ARHGEF10: variants seen among roughly 807,000 people sequenced by gnomAD.
ARHGEF10 encodes the protein Rho guanine nucleotide exchange factor 10.
In ARHGEF10, 140 loss-of-function variants were observed where a neutral mutation model predicts 147.4. That is an observed-to-expected ratio of 0.95 (90% CI 0.83 to 1.09). The LOEUF (loss-of-function observed/expected upper bound fraction) is 1.09. ARHGEF10 is among the 50% of genes least tolerant of loss of function. The probability of loss-of-function intolerance (pLI) is 0.00; values close to 1 mark genes in which losing one functional copy is unlikely to be tolerated. For missense variants in ARHGEF10, 2,222 were observed against 1,752.7 expected, an observed-to-expected ratio of 1.27 and a Z score of -4.78; for synonymous variants, 902 against 695.8, an observed-to-expected ratio of 1.30 and a Z score of -4.67.
At chr8:1,926,322 T>C in intron 22 of ARHGEF10, 55 bp from the exon 23 acceptor site, 2 of 1,432,664 alleles carry the variant, frequency 1.4e-6, no homozygotes, top group Non-Finnish European at 2.0e-6. Context: ...TTATGTAGTC[T>C]AGGAGCCTCT....
intron 11 of ARHGEF10, among the ~76,000 whole-genome samples, chr8:1,887,352 C>T (rs774625948): frequency 1.3e-5 from 2 of 152,222 alleles, no homozygotes; most frequent in African/African-American, 2.4e-5. Flanking sequence ...GCCAAGACAG[C>T]GGCCTGAGCT....
intron 1 of ARHGEF10, among the ~76,000 whole-genome samples, chr8:1,829,924 G>A (rs1411515498): frequency 6.6e-6 from 1 of 152,224 alleles, no homozygotes; most frequent in Non-Finnish European, 1.5e-5. Context: ...GGAATGAAAG[G>A]TGCAGCGTTT....
Position 1,921,207 on chromosome 8 carries a change from T to C in ARHGEF10, c.2144-1757T>C, listed in dbSNP as rs1293197051. 2.0e-5 allele frequency among the ~76,000 whole-genome samples: 3 copies of C among 152,352 alleles called. No homozygotes were observed. In the East Asian group the frequency reaches 5.8e-4, roughly 29 times the overall value. ...ATACCATGTAATCATGTCTTCAACA[T>C]AAAGTGCCTGCAAAATTATAAATGG... is the stretch of plus-strand genomic sequence containing the variant. On this transcript the variant is annotated intron_variant, in intron 18 of 28. Coordinates refer to ENST00000349830, the MANE Select transcript of ARHGEF10 (RefSeq NM_014629.4).
At chr8:1,842,016 G>A (rs866475463) in intron 1 of ARHGEF10, among the ~76,000 whole-genome samples, 1,821 of 68,482 alleles carry the variant, frequency 0.027, 31 homozygotes, top group East Asian at 0.038. Context: ...TGGGGCCGCG[G>A]CGGGAACTGG....
chr8:1,892,393 T>C (rs1809613669), intron 11 of ARHGEF10, among the ~76,000 whole-genome samples: 1 of 151,890 alleles, frequency 6.6e-6, no homozygotes, highest in South Asian at 2.1e-4. Flanking sequence ...CAGTTTCTTC[T>C]TTGGGTATTT....
At chr8:1,865,334 C>G (rs1320633372) in intron 5 of ARHGEF10, among the ~76,000 whole-genome samples, 1 of 144,158 alleles carries the variant, frequency 6.9e-6, no homozygotes, top group Non-Finnish European at 1.5e-5. Context: ...CACCAGGACA[C>G]AGGGCATCCC....
intron 26 of ARHGEF10, among the ~76,000 whole-genome samples, chr8:1,939,561 G>A (rs969681666): frequency 2.6e-5 from 4 of 152,216 alleles, no homozygotes; most frequent in East Asian, 1.9e-4. Flanking sequence ...GCAGCAAAGC[G>A]TCAAGCCAAG....
chr8:1,825,914 G>C (rs1168149090), intron 1 of ARHGEF10: 2 of 608,662 alleles, frequency 3.3e-6, no homozygotes, highest in Non-Finnish European at 2.9e-6. Flanking sequence ...CAATTTCACT[G>C]TTGCTGATTA....
intron 28 of ARHGEF10, among the ~76,000 whole-genome samples, chr8:1,955,507 C>G (rs1057159765): frequency 6.7e-6 from 1 of 148,924 alleles, no homozygotes; most frequent in Non-Finnish European, 1.5e-5. Context: ...CACTGTTTCT[C>G]TGGATGGGTA....
Position 1,909,108 on chromosome 8 carries a change from G to A in ARHGEF10, c.1968-187G>A, listed in dbSNP as rs11994215. Among the ~76,000 whole-genome samples, 1,130 of 152,294 alleles carry A rather than the reference G, an allele frequency of 7.4e-3. 13 individuals are homozygous for A. The highest frequency in any genetic ancestry group is 0.025 in the African/African-American group (1,040 of 41,562). On this transcript the variant is annotated intron_variant, in intron 17 of 28. Coordinates refer to ENST00000349830, the MANE Select transcript of ARHGEF10 (RefSeq NM_014629.4). ...CCCTGCACTCTCTCTCATCCAGTTC[G>A]AGGCCTCTTTATGGCAGCAAGTGGG...
rs1803232010 is a variant in ARHGEF10 at position 1,832,663 on chromosome 8, G to C, written c.-48+8550G>C. On this transcript the variant is annotated intron_variant, in intron 1 of 28. Coordinates refer to ENST00000349830, the MANE Select transcript of ARHGEF10 (RefSeq NM_014629.4). ...AGAGGCAGAGACAGAGAGAGACAGA[G>C]GCAGAGACAGAGGCAGAGACAGAGA... 5.3e-5 allele frequency among the ~76,000 whole-genome samples: 6 copies of C among 112,264 alleles called. 2 individuals carry two copies. The highest frequency in any genetic ancestry group is 1.8e-4 in the Admixed American group (2 of 10,900). 73.6% of individuals were successfully genotyped at this position (112,264 alleles called of 152,430 possible). A position where few individuals can be genotyped will look rare whatever the true frequency, so the allele number is the denominator to read the frequency against.
intron 1 of ARHGEF10, among the ~76,000 whole-genome samples, chr8:1,826,363 T>G (rs1332224185): frequency 6.6e-6 from 1 of 152,092 alleles, no homozygotes; most frequent in East Asian, 1.9e-4. Context: ...TGTGTTTGTG[T>G]TTGTATGCAT....
At chr8:1,921,294 T>C (rs758756342) in intron 18 of ARHGEF10, among the ~76,000 whole-genome samples, 3 of 152,250 alleles carry the variant, frequency 2.0e-5, no homozygotes, top group Non-Finnish European at 4.4e-5. Context: ...AATCTTTTTA[T>C]TGGAAATATG....
At chr8:1,947,569 A>G (rs1306478709) in intron 27 of ARHGEF10, among the ~76,000 whole-genome samples, 2 of 152,148 alleles carry the variant, frequency 1.3e-5, no homozygotes, top group Admixed American at 1.3e-4. Flanking sequence ...CCAGGCTATG[A>G]AAAGCAAAGC....
At chr8:1,829,011 G>A (rs960711457) in intron 1 of ARHGEF10, among the ~76,000 whole-genome samples, 1 of 152,250 alleles carries the variant, frequency 6.6e-6, no homozygotes, top group African/African-American at 2.4e-5. Context: ...TATTCAGTGC[G>A]TATCTGAGCG....
At chr8:1,869,408 G>C (rs1462051235) in intron 7 of ARHGEF10, 158 bp downstream of exon 7, 2 of 731,308 alleles carry the variant, frequency 2.7e-6, no homozygotes, top group Admixed American at 2.0e-5. Flanking sequence ...TGGAATATTG[G>C]TGTTTGTGCA....
At chr8:1,862,923 C>G (rs1367580357) in intron 4 of ARHGEF10, among the ~76,000 whole-genome samples, 1 of 151,668 alleles carries the variant, frequency 6.6e-6, no homozygotes, top group African/African-American at 2.4e-5. Flanking sequence ...GGACTACAGG[C>G]GCCCGCCACC....
rs66526026 is a variant in ARHGEF10, at chr8:1,892,277, CTGTGTGTGTGTGTGTGTGTG to C, written c.1183-1260_1183-1241del. 4.9e-4 allele frequency among the ~76,000 whole-genome samples: 62 copies of C among 126,644 alleles called. 1 individual carries two copies. The highest frequency in any genetic ancestry group is 1.6e-3 in the East Asian group (7 of 4,308). 83.1% of individuals were successfully genotyped at this position (126,644 alleles called of 152,430 possible). On this transcript the variant is annotated intron_variant, in intron 11 of 28. Transcript: ENST00000349830. ...AGCTGCAGCTTCCCAGCTTCTGGCT[CTGTGTGTGTGTGTGTGTGTG>C]TGTGTGTGTGTGTGTGTGTGTGTGT...
At chr8:1,873,489 T>G (rs1211624479) in intron 7 of ARHGEF10, among the ~76,000 whole-genome samples, 2 of 129,196 alleles carry the variant, frequency 1.5e-5, no homozygotes, top group Non-Finnish European at 3.2e-5. Flanking sequence ...GCCCGCGGGG[T>G]AGTGCACCCG....
Sources: gnomAD v4.1 joint callset for allele counts (sites outside exome capture counted in the v4.1 genomes callset) on GRCh38, gnomAD v4.1.1 for gene constraint, MANE v1.5 for transcripts, NCBI Gene and HGNC (gene_info 2026-07-23, HGNC 2026-07-21) for gene names.